The following DSCAM variants were observed in gnomAD, a reference collection of about 807,000 sequenced individuals.
The protein encoded by DSCAM is DS cell adhesion molecule, also known as cell adhesion molecule DSCAM.
In DSCAM, 47 loss-of-function variants were observed where a neutral mutation model predicts 217.7. The observed-to-expected ratio is 0.22, with a 90% CI of 0.17 to 0.28. The LOEUF (loss-of-function observed/expected upper bound fraction) is 0.28. DSCAM is among the 10% of genes least tolerant of loss of function. The pLI, the probability that DSCAM is intolerant of heterozygous loss-of-function variation, is 1.00. For synonymous variants in DSCAM, 1,056 were observed against 1,015.3 expected (o/e 1.04, Z -0.76); for missense variants, 2,080 against 2,618.3 (o/e 0.79, Z 4.49).
intron 3 of DSCAM, among the ~76,000 whole-genome samples, chr21:40,675,786 C>T (rs1411469776): frequency 6.6e-6 from 1 of 152,162 alleles, no homozygotes; most frequent in Non-Finnish European, 1.5e-5. Flanking sequence ...CTTGAATATC[C>T]TTGCTGTTAC....
rs566439062 is a variant in DSCAM, at chr21:40,651,521, T to A, written c.508+41289A>T. Among the ~76,000 whole-genome samples the A allele has an allele frequency of 1.5e-4, 23 of 152,282 alleles. No individual in the cohort carries two copies. In the East Asian group the frequency reaches 2.7e-3, roughly 18 times the overall value. The stretch of plus-strand genomic sequence containing the variant: ...CTGCTCATATCCCATCTCGATTATC[T>A]CATCAATAATTTCCATCCCTCTGAT... On this transcript the variant is annotated intron_variant, in intron 3 of 32. Coordinates refer to ENST00000400454, the MANE Select transcript of DSCAM (RefSeq NM_001389.5).
At chr21:40,349,058 A>G (rs753322450) in intron 5 of DSCAM, among the ~76,000 whole-genome samples, 2 of 145,010 alleles carry the variant, frequency 1.4e-5, no homozygotes, top group Non-Finnish European at 3.0e-5. Context: ...AATGGTGTGA[A>G]CCTGGGAAGA....
At chr21:40,766,467 A>G (rs1463395959) in intron 1 of DSCAM, among the ~76,000 whole-genome samples, 2 of 152,030 alleles carry the variant, frequency 1.3e-5, no homozygotes, top group Non-Finnish European at 2.9e-5. Context: ...AATACTGAAC[A>G]TTAACATTGA....
At chr21:40,655,211 T>C (rs1303876404) in intron 3 of DSCAM, among the ~76,000 whole-genome samples, 1 of 152,182 alleles carries the variant, frequency 6.6e-6, no homozygotes, top group Non-Finnish European at 1.5e-5. Flanking sequence ...TAAAATATCA[T>C]GCTTGTCTTA....
intron 3 of DSCAM, among the ~76,000 whole-genome samples, chr21:40,611,184 G>C (rs977663696): frequency 6.7e-6 from 1 of 149,940 alleles, no homozygotes; most frequent in Non-Finnish European, 1.5e-5. Flanking sequence ...TCAGCCTCCC[G>C]GGTAGCTGGG....
At chr21:40,097,708 G>A (rs2089692845) in intron 20 of DSCAM, among the ~76,000 whole-genome samples, 2 of 152,002 alleles carry the variant, frequency 1.3e-5, no homozygotes, top group South Asian at 2.1e-4. Flanking sequence ...GTGGGAGGCC[G>A]AGGCAGGTGG....
chr21:40,083,980 C>G lies in DSCAM; in HGVS notation c.4159G>C (p.Val1387Leu). ...ATGGAGGAAGACGTGGTCTTGGAGA[C>G]TGTAAGCCGAGGCTGATCTGGTGGA... ...QVPPDQPRLT[V>L]SKTTSSSITL... The change falls in exon 24 of 33, where the codon GTC (valine) becomes CTC (leucine). Residue 1387 changes from valine to leucine, a missense_variant. Val to Leu is a conservative substitution (Grantham distance 32). Around this residue, in one of 5 missense-constraint regions of DSCAM, gnomAD observed 1,144 missense variants for 1,421.1 expected, o/e 0.81. Coordinates refer to ENST00000400454, the MANE Select transcript of DSCAM (RefSeq NM_001389.5). 1 of 1,613,480 alleles carries G rather than the reference C, an allele frequency of 6.2e-7. No homozygotes were observed. The highest frequency in any genetic ancestry group is 8.5e-7 in the Non-Finnish European group (1 of 1,179,828).
At chr21:40,439,299 C>A (rs2075610649) in intron 3 of DSCAM, among the ~76,000 whole-genome samples, 1 of 152,176 alleles carries the variant, frequency 6.6e-6, no homozygotes, top group Admixed American at 6.5e-5. Flanking sequence ...GAACTTAAAT[C>A]ACTTTTAAAA....
At chr21:40,287,595 G>A (rs913380438) in intron 10 of DSCAM, among the ~76,000 whole-genome samples, 8 of 152,186 alleles carry the variant, frequency 5.3e-5, no homozygotes, top group East Asian at 1.9e-4. Context: ...GCATGGAAAC[G>A]TTTAGTTAAC....
chr21:40,263,440 G>A (rs978580506), intron 11 of DSCAM, among the ~76,000 whole-genome samples: 4 of 152,082 alleles, frequency 2.6e-5, no homozygotes, highest in Non-Finnish European at 5.9e-5. Flanking sequence ...TGAAAATTAA[G>A]CAATCTACCT....
intron 3 of DSCAM, among the ~76,000 whole-genome samples, chr21:40,521,959 T>C (rs1254246608): frequency 6.6e-6 from 1 of 152,248 alleles, no homozygotes; most frequent in Non-Finnish European, 1.5e-5. Flanking sequence ...CATTACGTTG[T>C]GCCCCATAAA....
At chr21:40,569,131 G>C in intron 3 of DSCAM, among the ~76,000 whole-genome samples, 1 of 152,202 alleles carries the variant, frequency 6.6e-6, no homozygotes, top group African/African-American at 2.4e-5. Context: ...GCTGGCCCCA[G>C]GGTGCCTTGC....
chr21:40,426,832 C>T (rs540457609), intron 3 of DSCAM, among the ~76,000 whole-genome samples: 10 of 152,144 alleles, frequency 6.6e-5, no homozygotes, highest in South Asian at 4.1e-4. Context: ...ACAATGTCCA[C>T]AGTCATTCTC....
chr21:40,206,148 G>A (rs965511731), intron 11 of DSCAM, among the ~76,000 whole-genome samples: 2 of 152,188 alleles, frequency 1.3e-5, no homozygotes, highest in African/African-American at 2.4e-5. Context: ...ATGTCAGTGC[G>A]TCTAGGTAAA....
intron 6 of DSCAM, among the ~76,000 whole-genome samples, chr21:40,341,881 T>C (rs573042245): frequency 6.6e-6 from 1 of 152,210 alleles, no homozygotes; most frequent in East Asian, 1.9e-4. Flanking sequence ...TTATGTTTCA[T>C]GTCATTTCAG....
intron 11 of DSCAM, among the ~76,000 whole-genome samples, chr21:40,196,014 C>T (rs2091003747): frequency 6.6e-6 from 1 of 152,110 alleles, no homozygotes; most frequent in African/African-American, 2.4e-5. Flanking sequence ...TTAAAACTAC[C>T]TTGGGTAAAC....
intron 11 of DSCAM, among the ~76,000 whole-genome samples, chr21:40,254,387 G>T (rs1428975916): frequency 6.6e-6 from 1 of 152,182 alleles, no homozygotes; most frequent in African/African-American, 2.4e-5. Context: ...GGAAGGTGGT[G>T]ATGGGAGCAA....
intron 3 of DSCAM, among the ~76,000 whole-genome samples, chr21:40,440,784 T>A (rs1298079254): frequency 1.3e-5 from 2 of 149,682 alleles, no homozygotes; most frequent in African/African-American, 5.0e-5. Flanking sequence ...GCCTCAGGGC[T>A]ACCCCATATG....
chr21:40,107,475 A>G (rs1447981941), intron 20 of DSCAM, among the ~76,000 whole-genome samples: 1 of 152,004 alleles, frequency 6.6e-6, no homozygotes, highest in Non-Finnish European at 1.5e-5. Flanking sequence ...TTCTGTAAAT[A>G]TCTTTCAGAT....
Sources: allele counts gnomAD v4.1 joint callset (sites outside exome capture counted in the v4.1 genomes callset), GRCh38; gene constraint gnomAD v4.1.1; regional missense constraint gnomAD v4.1.1; transcripts MANE v1.5; gene names NCBI Gene and HGNC (gene_info 2026-07-23, HGNC 2026-07-21).